AKAP1: variants seen among roughly 807,000 people sequenced by gnomAD.
AKAP1 encodes A-kinase anchoring protein 1, also known as A-kinase anchor protein 1, mitochondrial.
A neutral mutation model predicts 79.8 loss-of-function variants in AKAP1; 32 were observed. The ratio of observed to expected loss-of-function variants is 0.40; its 90% CI spans 0.30 to 0.54. AKAP1 has a LOEUF of 0.54. Among genes scored for constraint, AKAP1 ranks in the 20% least tolerant of loss-of-function variants. AKAP1 has a pLI of 0.47. For synonymous variants in AKAP1, 416 were observed against 466.7 expected (o/e 0.89, Z 1.40); for missense variants, 961 against 1,138.9 (o/e 0.84, Z 2.25).
At chr17:57,097,689 G>A (rs1914209146) in intron 1 of AKAP1, among the ~76,000 whole-genome samples, 1 of 152,258 alleles carries the variant, frequency 6.6e-6, no homozygotes, top group Non-Finnish European at 1.5e-5. Context: ...TGGAGGTGGA[G>A]TGTCTTGGGC....
At chr17:57,090,489 C>T (rs1913720801) in intron 1 of AKAP1, among the ~76,000 whole-genome samples, 1 of 151,786 alleles carries the variant, frequency 6.6e-6, no homozygotes, top group Non-Finnish European at 1.5e-5. Flanking sequence ...TCCTCTGCCC[C>T]TGCCGCCCCC....
At chr17:57,104,404 C>CT (rs1722224396) in intron 1 of AKAP1, among the ~76,000 whole-genome samples, 1 of 152,248 alleles carries the variant, frequency 6.6e-6, no homozygotes, top group African/African-American at 2.4e-5. Context: ...GACACCCTCA[C>CT]TGACCCCACG....
chr17:57,101,975 C>A (rs536977022), intron 1 of AKAP1, among the ~76,000 whole-genome samples: 2 of 152,122 alleles, frequency 1.3e-5, no homozygotes, highest in African/African-American at 4.8e-5. Flanking sequence ...CAACTTCTTT[C>A]GGTAACATCG....
intron 1 of AKAP1, among the ~76,000 whole-genome samples, chr17:57,104,035 T>C (rs1201225709): frequency 6.6e-6 from 1 of 152,078 alleles, no homozygotes; most frequent in African/African-American, 2.4e-5. Flanking sequence ...CTCGGCTCAC[T>C]GCAACCTCCA....
chr17:57,115,177 A>G (rs16958053), intron 6 of AKAP1, among the ~76,000 whole-genome samples: 6,113 of 152,132 alleles, frequency 0.04, 437 homozygotes, highest in African/African-American at 0.14. Context: ...AGCCTTTGTC[A>G]TTATTATCTT....
intron 6 of AKAP1, among the ~76,000 whole-genome samples, chr17:57,115,822 T>TG (rs1233092818): frequency 6.6e-6 from 1 of 152,202 alleles, no homozygotes; most frequent in African/African-American, 2.4e-5. Context: ...GTGTCCCTCT[T>TG]GGGTCCCAGA....
chr17:57,119,850 T>TTTTTTTTTTTTTTTTTTTTTTG (rs1915818680), intron 10 of AKAP1, among the ~76,000 whole-genome samples: 1 of 139,588 alleles, frequency 7.2e-6, no homozygotes. Context: ...TTTTTTTTTT[T>TTTTTTTTTTTTTTTTTTTTTTG]GAGACAGTCT....
Position 57,116,871 on chromosome 17 carries a change from T to A in AKAP1, c.2444T>A (p.Val815Asp). The A allele has an allele frequency of 6.2e-7, 1 of 1,614,196 alleles. No individual in the cohort carries two copies. Among genetic ancestry groups the A allele is most frequent in the Non-Finnish European group, 8.5e-7 (1 of 1,180,008 alleles). ...DVLRQIRSDF[V>D]TLPFQGAEVL... ...TCTTGCCTTCCCAGGTCTGACTTTGTCACCCTGCCGTTTCAGGGAGCAGAA... is the reference window on the plus strand; with the variant it reads ...TCTTGCCTTCCCAGGTCTGACTTTGACACCCTGCCGTTTCAGGGAGCAGAA... The change falls in exon 8 of 11, where the codon GTC (valine) becomes GAC (aspartate). Residue 815 changes from valine to aspartate, a missense_variant. Val to Asp is a radical substitution (Grantham distance 152). Transcript: ENST00000337714.
chr17:57,111,332 G>A (rs141303735), intron 3 of AKAP1, among the ~76,000 whole-genome samples: 38 of 152,310 alleles, frequency 2.5e-4, no homozygotes, highest in African/African-American at 8.9e-4. Flanking sequence ...TTTTCAAATC[G>A]AGCCCCTTTA....
At chr17:57,118,893 A>T (rs1327361386) in intron 9 of AKAP1, 89 bp from the exon 10 acceptor site, 3 of 1,427,110 alleles carry the variant, frequency 2.1e-6, no homozygotes, top group South Asian at 1.2e-5. Flanking sequence ...CCCTCGACAC[A>T]TGGGGATTAT....
chr17:57,085,720 G>C (rs1262202137), intron 1 of AKAP1: 2 of 152,450 alleles, frequency 1.3e-5, no homozygotes, highest in Non-Finnish European at 2.9e-5. Context: ...GCGCGTCACT[G>C]TCCTCGGGGG....
At chr17:57,113,191 T>C (rs1387841803) in intron 5 of AKAP1, among the ~76,000 whole-genome samples, 1 of 152,168 alleles carries the variant, frequency 6.6e-6, no homozygotes, top group Non-Finnish European at 1.5e-5. Context: ...AGCTGCTATC[T>C]CCAGGGCCCC....
At chr17:57,120,128 C>T (rs1915840456) in intron 10 of AKAP1, 122 bp from the exon 11 acceptor site, 3 of 825,900 alleles carry the variant, frequency 3.6e-6, no homozygotes, top group Middle Eastern at 2.8e-4. Context: ...GTCTGGCCTA[C>T]ACTGTTACTC....
intron 1 of AKAP1, chr17:57,095,990 A>C (rs1204704400): frequency 6.6e-6 from 1 of 152,022 alleles, no homozygotes; most frequent in African/African-American, 2.4e-5. Flanking sequence ...AAAGTTTTAA[A>C]ATCCACACCC....
Position 57,112,586 on chromosome 17 carries a change from C to G in AKAP1, c.2071C>G (p.Leu691Val). Residue 691 changes from leucine (L) to valine (V), a missense_variant, in exon 5 of 11, where the codon CTG (leucine) becomes GTG (valine). Transcript: ENST00000337714. ...TATCTACGCTCCCCCATTGCCTTCA[C>G]TGGCACTGCCTTCTCTGCCGATGAC... ...TNIYAPPLPS[L>V]ALPSLPMTSW... 1 of 1,614,136 alleles carries G rather than the reference C, an allele frequency of 6.2e-7. No individual in the cohort carries two copies. The highest frequency in any genetic ancestry group is 2.2e-5 in the East Asian group (1 of 44,878).
intron 1 of AKAP1, among the ~76,000 whole-genome samples, chr17:57,100,459 A>G (rs1422082692): frequency 1.4e-5 from 2 of 142,062 alleles, no homozygotes; most frequent in African/African-American, 5.2e-5. Flanking sequence ...ACACACACAC[A>G]CACAAACATT....
chr17:57,111,402 G>A (rs1207593757), intron 3 of AKAP1, among the ~76,000 whole-genome samples: 2 of 152,228 alleles, frequency 1.3e-5, no homozygotes, highest in Non-Finnish European at 2.9e-5. Context: ...ACTGTGTGCT[G>A]GTGAAACTTC....
In AKAP1 at chr17:57,109,988, C is replaced by T. The variant is rs568030214; in HGVS notation, c.1715-37C>T. The T allele has an allele frequency of 2.3e-5, 37 of 1,607,794 alleles. 1 individual carries two copies. In the South Asian group the frequency reaches 3.9e-4, roughly 17 times the overall value. On this transcript the variant is annotated intron_variant, in intron 2 of 10. Transcript: ENST00000337714. ...GGTTACTGGCTGCTCTGAGTGGGGT[C>T]TGTGTGTGTGCGTGCCTGCTGCTTC...
Position 57,105,435 on chromosome 17 carries a change from C to T in AKAP1, c.-24-6C>T. The T allele has an allele frequency of 6.3e-7, 1 of 1,590,908 alleles. No homozygotes were observed. Among genetic ancestry groups the T allele is most frequent in the Non-Finnish European group, 8.6e-7 (1 of 1,169,562 alleles). On this transcript the variant is annotated splice_region_variant and splice_polypyrimidine_tract_variant and intron_variant, in intron 1 of 10. Transcript: ENST00000337714. ...TCCCTCCTCCCCGCTCTCCTGCTCT[C>T]CCCAGGTGTAATTACTTCAAGCCTC... is the stretch of plus-strand genomic sequence containing the variant.
Sources: gnomAD v4.1 joint callset for allele counts (sites outside exome capture counted in the v4.1 genomes callset) on GRCh38, gnomAD v4.1.1 for gene constraint, MANE v1.5 for transcripts, NCBI Gene and HGNC (gene_info 2026-07-23, HGNC 2026-07-21) for gene names.